Variants in CDH12 observed in about 807,000 individuals in gnomAD.
The protein encoded by CDH12 is cadherin-12.
In CDH12, 41 loss-of-function variants were observed where a neutral mutation model predicts 74.1. That is an observed-to-expected ratio of 0.55 (90% CI 0.43 to 0.72). The LOEUF is 0.72. Ranked by LOEUF, CDH12 falls within the 30% of genes least tolerant of loss-of-function variation. The probability of loss-of-function intolerance (pLI) is 0.00; values close to 1 mark genes in which losing one functional copy is unlikely to be tolerated. For synonymous variants in CDH12, 399 were observed against 355.0 expected, an observed-to-expected ratio of 1.12 and a Z score of -1.39; for missense variants, 945 against 977.2, an observed-to-expected ratio of 0.97 and a Z score of 0.44.
intron 1 of CDH12, among the ~76,000 whole-genome samples, chr5:22,639,172 T>C (rs1739006389): frequency 6.7e-6 from 1 of 148,514 alleles, no homozygotes; most frequent in African/African-American, 2.5e-5. Context: ...GTGGAAAGGA[T>C]ACTTCAGGGA....
At chr5:22,681,788 T>C (rs750560984) in intron 1 of CDH12, among the ~76,000 whole-genome samples, 2 of 152,196 alleles carry the variant, frequency 1.3e-5, no homozygotes, top group African/African-American at 4.8e-5. Flanking sequence ...AGGTTTCACA[T>C]TGGATTTATT....
chr5:22,412,177 C>T (rs866675515), intron 2 of CDH12, among the ~76,000 whole-genome samples: 3 of 151,924 alleles, frequency 2.0e-5, no homozygotes, highest in African/African-American at 4.8e-5. Context: ...GCATAACAAT[C>T]AGCTAGCTTC....
At chr5:22,368,761 T>C (rs1243831023) in intron 3 of CDH12, among the ~76,000 whole-genome samples, 1 of 152,136 alleles carries the variant, frequency 6.6e-6, no homozygotes, top group Non-Finnish European at 1.5e-5. Context: ...CTAGTGACAA[T>C]GCACAAATAA....
At chr5:22,553,495 T>C (rs1561486661) in intron 1 of CDH12, among the ~76,000 whole-genome samples, 1 of 151,966 alleles carries the variant, frequency 6.6e-6, no homozygotes, top group Non-Finnish European at 1.5e-5. Context: ...CATTGGGAAT[T>C]TGAAATTAAA....
In CDH12 at chr5:22,550,019, G is replaced by A. The variant is rs114500985; in HGVS notation, c.-522-44655C>T. Among the ~76,000 whole-genome samples the A allele has an allele frequency of 4.3e-3, 656 of 152,254 alleles. 2 individuals are homozygous for A. Among genetic ancestry groups the A allele is most frequent in the Non-Finnish European group, 7.2e-3 (491 of 68,014 alleles). ...CAACTTCCTCTTACCAAGTGCTGTA[G>A]CCATGTCTCAGTCTTCCTTTCATTC... On this transcript the variant is annotated intron_variant, in intron 1 of 14. Transcript: ENST00000382254.
intron 1 of CDH12, among the ~76,000 whole-genome samples, chr5:22,724,771 A>G (rs1475920555): frequency 6.6e-6 from 1 of 151,906 alleles, no homozygotes; most frequent in Admixed American, 6.6e-5. Flanking sequence ...AACTGATCTA[A>G]TAATTTCTCT....
intron 1 of CDH12, among the ~76,000 whole-genome samples, chr5:22,595,532 A>G (rs150337361): frequency 1.6e-3 from 246 of 152,352 alleles, no homozygotes; most frequent in Middle Eastern, 6.8e-3. Context: ...TAAGAGCTAT[A>G]TAAGTATGGT....
At chr5:22,241,261 G>A (rs747704632) in intron 3 of CDH12, among the ~76,000 whole-genome samples, 3 of 151,636 alleles carry the variant, frequency 2.0e-5, no homozygotes, top group Non-Finnish European at 4.4e-5. Context: ...AGGCCATAAC[G>A]TATTTTCAAA....
At chr5:22,157,600 C>T (rs1244977330) in intron 4 of CDH12, among the ~76,000 whole-genome samples, 3 of 151,882 alleles carry the variant, frequency 2.0e-5, no homozygotes, top group African/African-American at 7.3e-5. Flanking sequence ...AAAAAAATTC[C>T]CCTTCTATTT....
chr5:22,082,716 A>T (rs1561091747), intron 4 of CDH12, among the ~76,000 whole-genome samples: 1 of 152,210 alleles, frequency 6.6e-6, no homozygotes, highest in Non-Finnish European at 1.5e-5. Flanking sequence ...TTGCATCAGG[A>T]AACAACAGCA....
chr5:22,335,956 C>CT (rs1395545581), intron 3 of CDH12, among the ~76,000 whole-genome samples: 4 of 152,108 alleles, frequency 2.6e-5, no homozygotes, highest in African/African-American at 9.7e-5. Flanking sequence ...AAGTTTGGAA[C>CT]TTCTTAGAGA....
chr5:21,910,552 C>T (rs1282796335), intron 6 of CDH12, among the ~76,000 whole-genome samples: 4 of 152,008 alleles, frequency 2.6e-5, no homozygotes, highest in Non-Finnish European at 5.9e-5. Context: ...TCATGGCGTC[C>T]CTGAATTTGC....
intron 6 of CDH12, among the ~76,000 whole-genome samples, chr5:21,905,749 T>C (rs1017204484): frequency 3.1e-4 from 5 of 16,190 alleles, no homozygotes; most frequent in Non-Finnish European, 2.9e-3. Flanking sequence ...TCAATTACTA[T>C]GTTTAAAGTA....
At chr5:21,930,263 G>A (rs1331476691) in intron 6 of CDH12, among the ~76,000 whole-genome samples, 1 of 152,186 alleles carries the variant, frequency 6.6e-6, no homozygotes, top group Non-Finnish European at 1.5e-5. Context: ...ATGTTGCCAT[G>A]TTTAACTGCT....
At chr5:21,787,838 A>G (rs553952227) in intron 10 of CDH12, among the ~76,000 whole-genome samples, 3 of 152,310 alleles carry the variant, frequency 2.0e-5, no homozygotes, top group Admixed American at 6.5e-5. Context: ...ATAGAGATAT[A>G]ATGAGCTTAA....
At chr5:21,804,937 T>G (rs1020154774) in intron 9 of CDH12, among the ~76,000 whole-genome samples, 2 of 152,082 alleles carry the variant, frequency 1.3e-5, no homozygotes, top group African/African-American at 4.8e-5. Flanking sequence ...CTAATTCAAA[T>G]TAAGGAACAT....
At chr5:22,053,667 G>A (rs917028300) in intron 5 of CDH12, among the ~76,000 whole-genome samples, 4 of 151,870 alleles carry the variant, frequency 2.6e-5, no homozygotes, top group Non-Finnish European at 4.4e-5. Flanking sequence ...TTCCCTCTAG[G>A]GGGTGCTGAG....
chr5:22,093,418 A>T lies in CDH12; in HGVS notation c.-186-14556T>A, dbSNP rs1171274236. ...TTAGCTCATTTACATAACACCATGCAATTGATTATTACATGGCAATGAAAA... is the reference window on the plus strand; with the variant it reads ...TTAGCTCATTTACATAACACCATGCTATTGATTATTACATGGCAATGAAAA... On this transcript the variant is annotated intron_variant, in intron 4 of 14. Transcript: ENST00000382254. Among the ~76,000 whole-genome samples the T allele has an allele frequency of 2.0e-5, 3 of 152,204 alleles. No individual in the cohort carries two copies. In the East Asian group the frequency reaches 5.8e-4, roughly 29 times the overall value.
chr5:22,302,325 A>C (rs1408380692), intron 3 of CDH12, among the ~76,000 whole-genome samples: 2 of 152,194 alleles, frequency 1.3e-5, no homozygotes, highest in Non-Finnish European at 2.9e-5. Flanking sequence ...GAGACTGTAT[A>C]AATTGCATTT....
Sources: allele counts gnomAD v4.1 joint callset (sites outside exome capture counted in the v4.1 genomes callset), GRCh38; gene constraint gnomAD v4.1.1; transcripts MANE v1.5; gene names NCBI Gene and HGNC (gene_info 2026-07-23, HGNC 2026-07-21).